The following ATP10B variants were observed in gnomAD, a reference collection of about 807,000 sequenced individuals.
The protein encoded by ATP10B is ATPase phospholipid transporting 10B (putative), also known as phospholipid-transporting ATPase VB.
In ATP10B, 122 loss-of-function variants were observed where a neutral mutation model predicts 141.2. That is an observed-to-expected ratio of 0.86 (90% CI 0.75 to 1.00). ATP10B has a LOEUF of 1.00. Ranked by LOEUF, ATP10B falls within the 50% of genes least tolerant of loss-of-function variation. The probability of loss-of-function intolerance (pLI) is 0.00; values close to 1 mark genes in which losing one functional copy is unlikely to be tolerated. For missense variants in ATP10B, 1,876 were observed against 1,825.3 expected, an observed-to-expected ratio of 1.03 and a Z score of -0.51; for synonymous variants, 685 against 692.0, an observed-to-expected ratio of 0.99 and a Z score of 0.16.
intron 2 of ATP10B, among the ~76,000 whole-genome samples, chr5:160,759,481 CA>C (rs1561824559): frequency 6.6e-6 from 1 of 152,200 alleles, no homozygotes; most frequent in Admixed American, 6.5e-5. Context: ...ACTGAATGCA[CA>C]AAAAGAAAAT....
chr5:160,617,773 C>T (rs1326708419), intron 16 of ATP10B, 91 bp downstream of exon 16: 1 of 1,142,504 alleles, frequency 8.8e-7, no homozygotes, highest in African/African-American at 1.5e-5. Context: ...ACAACCACCT[C>T]TAAGGGTCTT....
At chr5:160,881,768 G>A in the ATP10B span, among the ~76,000 whole-genome samples, 11 of 151,988 alleles carry the variant, frequency 7.2e-5, no homozygotes, top group Non-Finnish European at 1.0e-4. Context: ...AGGAGATGGC[G>A]CCACTGCACT....
Position 160,621,095 on chromosome 5 carries a change from G to A in ATP10B, c.1813-145C>T. 4 of 1,002,386 alleles carry A rather than the reference G, an allele frequency of 4.0e-6. No homozygotes were observed. The South Asian group carries it at 6.4e-5, about 16-fold the overall frequency. The allele number at this position is 1,002,386 out of a possible 1,614,324, so 62.1% of individuals were successfully genotyped here. A position where few individuals can be genotyped will look rare whatever the true frequency, so the allele number is the denominator to read the frequency against. Reference sequence around the variant, plus strand: ...CCTGAAATTCTAAGCATTGACAATGGTCATTTTCCACTATCTTTTGATCAT... The same window carrying A: ...CCTGAAATTCTAAGCATTGACAATGATCATTTTCCACTATCTTTTGATCAT... On this transcript the variant is annotated intron_variant, in intron 14 of 25. Transcript: ENST00000327245.
intron 1 of ATP10B, among the ~76,000 whole-genome samples, chr5:160,802,154 C>T (rs750040869): frequency 2.0e-5 from 3 of 152,082 alleles, no homozygotes; most frequent in Non-Finnish European, 4.4e-5. Flanking sequence ...ACATTAGGTG[C>T]GGAGAAACAA....
intron 1 of ATP10B, among the ~76,000 whole-genome samples, chr5:160,813,671 G>A (rs1019963563): frequency 9.9e-5 from 15 of 152,190 alleles, no homozygotes; most frequent in East Asian, 9.6e-4. Context: ...ATCTGAGAAC[G>A]GACAGACTGC....
intron 24 of ATP10B, among the ~76,000 whole-genome samples, chr5:160,570,024 T>C (rs1754779678): frequency 6.6e-6 from 1 of 152,170 alleles, no homozygotes; most frequent in African/African-American, 2.4e-5. Flanking sequence ...CTTTTTGTTT[T>C]TTTTCCCTCA....
intron 3 of ATP10B, among the ~76,000 whole-genome samples, chr5:160,698,781 T>C (rs1764517240): frequency 6.6e-6 from 1 of 152,148 alleles, no homozygotes; most frequent in African/African-American, 2.4e-5. Context: ...GTTAGAGATG[T>C]AAGAAAACAC....
the ATP10B span, among the ~76,000 whole-genome samples, chr5:160,921,325 A>G: frequency 6.6e-6 from 1 of 151,754 alleles, no homozygotes; most frequent in Non-Finnish European, 1.5e-5. Context: ...ATAATTGTAC[A>G]TAAAGAACTG....
rs1172045162 is a variant in ATP10B at position 160,688,078 on chromosome 5, C to T, written c.-4G>A. 6.2e-7 allele frequency: 1 copy of T among 1,609,960 alleles called. No individual in the cohort carries two copies. Among genetic ancestry groups the T allele is most frequent in the East Asian group, 2.2e-5 (1 of 44,820 alleles). On this transcript the variant is annotated 5_prime_UTR_variant, in exon 5 of 26. Transcript: ENST00000327245. ...ATGAGTCCACTGAGAGGGCCATTTC[C>T]AGCAGCAGGCGAAGATCTGAAAACA...
chr5:160,878,114 AC>A, the ATP10B span, among the ~76,000 whole-genome samples: 7 of 148,922 alleles, frequency 4.7e-5, no homozygotes, highest in South Asian at 6.6e-4. Flanking sequence ...GAGGCATCAC[AC>A]TACCTGACTT....
At chr5:160,659,481 A>G (rs1761756946) in intron 7 of ATP10B, among the ~76,000 whole-genome samples, 1 of 151,990 alleles carries the variant, frequency 6.6e-6, no homozygotes, top group Non-Finnish European at 1.5e-5. Context: ...AAACAAAAAC[A>G]AAAACAAAAA....
chr5:160,581,056 G>A (rs1755518419), intron 24 of ATP10B, among the ~76,000 whole-genome samples: 1 of 148,520 alleles, frequency 6.7e-6, no homozygotes, highest in Non-Finnish European at 1.5e-5. Context: ...TCATTAGTCT[G>A]GCTAGTGGTC....
chr5:160,851,973 TC>T lies in ATP10B; in HGVS notation c.-609del, dbSNP rs750738027. The T allele has an allele frequency of 1.3e-5, 2 of 152,166 alleles. No individual in the cohort carries two copies. The highest frequency in any genetic ancestry group is 2.9e-5 in the Non-Finnish European group (2 of 68,032). The allele number at this position is 152,166 out of a possible 1,614,324, so 9.4% of individuals were successfully genotyped here. A position where few individuals can be genotyped will look rare whatever the true frequency, so the allele number is the denominator to read the frequency against. ...AAGCTGACGTCCCTATTGAGCAGAC[TC>T]CAGTAGAAGAAAACAGTGCTTGAAA... is the stretch of plus-strand genomic sequence containing the variant. On this transcript the variant is annotated 5_prime_UTR_variant, in exon 1 of 26. It removes the in-frame stop codon of an upstream open reading frame in the 5' UTR. Transcript: ENST00000327245.
the ATP10B span, among the ~76,000 whole-genome samples, chr5:160,927,444 C>G: frequency 6.6e-6 from 1 of 152,174 alleles, no homozygotes; most frequent in Non-Finnish European, 1.5e-5. Flanking sequence ...TCTTAGGAGA[C>G]TAAATCCATG....
At chr5:160,613,635 G>C (rs1223659085) in intron 17 of ATP10B, among the ~76,000 whole-genome samples, 1 of 152,158 alleles carries the variant, frequency 6.6e-6, no homozygotes, top group Non-Finnish European at 1.5e-5. Context: ...AGCAGCAATA[G>C]GAATAGAAGT....
intron 1 of ATP10B, among the ~76,000 whole-genome samples, chr5:160,845,740 G>C (rs1776080086): frequency 1.3e-5 from 2 of 152,038 alleles, no homozygotes; most frequent in African/African-American, 4.8e-5. Flanking sequence ...CTAACATTCT[G>C]GGGTCTCTGG....
At chr5:160,812,575 G>A (rs1309049892) in intron 1 of ATP10B, among the ~76,000 whole-genome samples, 4 of 152,134 alleles carry the variant, frequency 2.6e-5, no homozygotes, top group African/African-American at 9.7e-5. Flanking sequence ...AAGGAATCAA[G>A]CAGAAATTCT....
At chr5:160,923,016 T>G in the ATP10B span, among the ~76,000 whole-genome samples, 1 of 152,232 alleles carries the variant, frequency 6.6e-6, no homozygotes, top group African/African-American at 2.4e-5. Context: ...ACTTTTCAAT[T>G]ATTAGTAAAG....
At chr5:160,919,323 G>A in the ATP10B span, among the ~76,000 whole-genome samples, 1 of 150,708 alleles carries the variant, frequency 6.6e-6, no homozygotes, top group African/African-American at 2.4e-5. Context: ...AATATTTACT[G>A]GGGCATCTGC....
Sources: gnomAD v4.1 joint callset for allele counts (sites outside exome capture counted in the v4.1 genomes callset) on GRCh38, gnomAD v4.1.1 for gene constraint, MANE v1.5 for transcripts, NCBI Gene and HGNC (gene_info 2026-07-23, HGNC 2026-07-21) for gene names.